Variants in CLIP1 observed in about 807,000 individuals in gnomAD.
CLIP1 encodes CAP-Gly domain-containing linker protein 1.
Under a neutral mutation model 161.6 loss-of-function variants are expected in CLIP1, and 66 were observed. That is an observed-to-expected ratio of 0.41 (90% CI 0.33 to 0.50). The LOEUF is 0.50. Ranked by LOEUF, CLIP1 falls within the 20% of genes least tolerant of loss-of-function variation. The pLI is 0.27. For synonymous variants in CLIP1, 598 were observed against 626.2 expected (o/e 0.96, Z 0.67); for missense variants, 1,376 against 1,702.0 (o/e 0.81, Z 3.37).
At chr12:122,315,733 CG>C (rs2136580236) in intron 19 of CLIP1, among the ~76,000 whole-genome samples, 1 of 151,670 alleles carries the variant, frequency 6.6e-6, no homozygotes, top group East Asian at 2.0e-4. Context: ...CTCCGCCTCC[CG>C]GGTTCACGCC....
chr12:122,372,206 A>T (rs915931495), intron 3 of CLIP1, among the ~76,000 whole-genome samples: 3 of 152,032 alleles, frequency 2.0e-5, no homozygotes, highest in African/African-American at 7.3e-5. Context: ...AGATCACCTG[A>T]GGTCAGGAGT....
At chr12:122,295,065 A>G (rs985088263) in intron 20 of CLIP1, among the ~76,000 whole-genome samples, 2 of 151,402 alleles carry the variant, frequency 1.3e-5, no homozygotes, top group African/African-American at 2.4e-5. Context: ...CAAAAAAAAA[A>G]AGAAAAATAA....
chr12:122,358,973 A>G (rs542260599), intron 5 of CLIP1, among the ~76,000 whole-genome samples: 6 of 152,316 alleles, frequency 3.9e-5, no homozygotes, highest in Admixed American at 3.9e-4. Context: ...AGGCAGGAAA[A>G]TCGCTTGAAC....
chr12:122,408,434 T>C (rs955336226), intron 1 of CLIP1, among the ~76,000 whole-genome samples: 4 of 151,806 alleles, frequency 2.6e-5, no homozygotes, highest in Non-Finnish European at 5.9e-5. Flanking sequence ...CTGCAACCTC[T>C]ACCTCCCAGG....
chr12:122,386,469 G>A (rs1319856886), intron 1 of CLIP1, among the ~76,000 whole-genome samples: 1 of 152,140 alleles, frequency 6.6e-6, no homozygotes, highest in Non-Finnish European at 1.5e-5. Context: ...GTACACCATT[G>A]TTATGGAAAA....
intron 20 of CLIP1, among the ~76,000 whole-genome samples, chr12:122,290,467 G>A (rs1306940810): frequency 6.6e-6 from 1 of 152,096 alleles, no homozygotes; most frequent in East Asian, 1.9e-4. Context: ...TTTCATTTTG[G>A]TCTTTATGCC....
At chr12:122,401,778 G>T (rs1956151951) in intron 1 of CLIP1, among the ~76,000 whole-genome samples, 1 of 151,840 alleles carries the variant, frequency 6.6e-6, no homozygotes, top group Admixed American at 6.6e-5. Flanking sequence ...GCGGGAGGAT[G>T]ACCTGAGGTC....
intron 1 of CLIP1, chr12:122,395,603 CATCT>C (rs1955881745): frequency 6.6e-6 from 1 of 152,172 alleles, no homozygotes; most frequent in African/African-American, 2.4e-5. Context: ...ATTATCCTCC[CATCT>C]GAGATTAGCA....
intron 23 of CLIP1, 96 bp downstream of exon 23, chr12:122,278,696 C>T (rs1955528793): frequency 7.7e-7 from 1 of 1,296,042 alleles, no homozygotes; most frequent in Non-Finnish European, 1.1e-6. Flanking sequence ...AGGGTCAGGG[C>T]AGCATGAGAG....
intron 3 of CLIP1, among the ~76,000 whole-genome samples, chr12:122,373,499 T>C (rs1281415427): frequency 2.1e-5 from 3 of 139,674 alleles, no homozygotes; most frequent in African/African-American, 8.0e-5. Context: ...ATAAACAAGG[T>C]GAAAAAAAGC....
At chr12:122,364,248 AGTTCTCTT>A in intron 3 of CLIP1, 141 bp from the exon 4 acceptor site, 3 of 1,009,896 alleles carry the variant, frequency 3.0e-6, no homozygotes, top group South Asian at 1.6e-5. Flanking sequence ...TGACTCTAAG[AGTTCTCTT>A]GAAGGAAGTC....
chr12:122,358,302 G>A (rs1464867436), intron 5 of CLIP1, among the ~76,000 whole-genome samples: 1 of 151,666 alleles, frequency 6.6e-6, no homozygotes, highest in Non-Finnish European at 1.5e-5. Context: ...CAAACACTGC[G>A]GAAGGCCGCA....
At chr12:122,305,514 C>T (rs1446278064) in intron 20 of CLIP1, among the ~76,000 whole-genome samples, 1 of 152,204 alleles carries the variant, frequency 6.6e-6, no homozygotes, top group African/African-American at 2.4e-5. Context: ...TATGCTTCTA[C>T]CAGCCACACA....
rs1224414536 is a variant in CLIP1 at position 122,311,578 on chromosome 12, C to T, written c.3474-1696G>A. Among the ~76,000 whole-genome samples the T allele has an allele frequency of 6.6e-6, 1 of 152,108 alleles. No individual in the cohort carries two copies. The highest frequency in any genetic ancestry group is 2.4e-5 in the African/African-American group (1 of 41,412). ...TAACTGGGACTACAGGTGTCCGCCA[C>T]CGCGCCCAGCCAATTTTTGTATTTT... On this transcript the variant is annotated intron_variant, in intron 19 of 25. Coordinates refer to ENST00000620786, the MANE Select transcript of CLIP1 (RefSeq NM_001247997.2). This position sits in a 1 kb window ranked among gnomAD's most constrained non-coding sequence, Gnocchi z 4.3.
rs756544151 is a variant in CLIP1 at position 122,352,716 on chromosome 12, G to A, written c.1368+10C>T. On this transcript the variant is annotated intron_variant, in intron 8 of 25. Transcript: ENST00000620786. Reference sequence around the variant, plus strand: ...CCATAAAAGCTGTAAGAGAGCTGGAGGGGTTTTACCTCAAGATCACCTTTG... The same window carrying A: ...CCATAAAAGCTGTAAGAGAGCTGGAAGGGTTTTACCTCAAGATCACCTTTG... The A allele has an allele frequency of 1.9e-6, 3 of 1,610,554 alleles. No individual in the cohort carries two copies. The highest frequency in any genetic ancestry group is 2.7e-5 in the African/African-American group (2 of 74,824).
chr12:122,303,612 T>G (rs909149409), intron 20 of CLIP1, among the ~76,000 whole-genome samples: 9 of 152,196 alleles, frequency 5.9e-5, no homozygotes, highest in Admixed American at 4.6e-4. Context: ...TCACTCTACC[T>G]GAACACAGGT....
intron 1 of CLIP1, among the ~76,000 whole-genome samples, chr12:122,406,486 CTA>C (rs1956333403): frequency 6.6e-6 from 1 of 152,212 alleles, no homozygotes; most frequent in Non-Finnish European, 1.5e-5. Flanking sequence ...TTTCCAATTT[CTA>C]ACTGAGACAA....
chr12:122,299,579 C>T, intron 20 of CLIP1, among the ~76,000 whole-genome samples: 1 of 106,448 alleles, frequency 9.4e-6, no homozygotes. Flanking sequence ...TAAAATGATA[C>T]ATGCTGTTTT....
intron 20 of CLIP1, among the ~76,000 whole-genome samples, chr12:122,292,116 C>G (rs1174981751): frequency 6.6e-6 from 1 of 152,012 alleles, no homozygotes; most frequent in Admixed American, 6.6e-5. Flanking sequence ...CTCAGCCTCC[C>G]AAGTAGCTGG....
Sources: allele counts gnomAD v4.1 joint callset (sites outside exome capture counted in the v4.1 genomes callset), GRCh38; gene constraint gnomAD v4.1.1; non-coding constraint Gnocchi (gnomAD v3.1); transcripts MANE v1.5; gene names NCBI Gene and HGNC (gene_info 2026-07-23, HGNC 2026-07-21).